TMCC1: variants seen among roughly 807,000 people sequenced by gnomAD.
TMCC1 encodes transmembrane and coiled-coil domains protein 1.
TMCC1 carries 15 observed loss-of-function variants against 52.4 expected under a neutral mutation model. That is an observed-to-expected ratio of 0.29 (90% confidence interval 0.19 to 0.44). The LOEUF (loss-of-function observed/expected upper bound fraction) is 0.44. Among genes scored for constraint, TMCC1 ranks in the 20% least tolerant of loss-of-function variants. The pLI is 1.00. For synonymous variants in TMCC1, 279 were observed against 301.9 expected, an observed-to-expected ratio of 0.92 and a Z score of 0.79; for missense variants, 503 against 806.0, an observed-to-expected ratio of 0.62 and a Z score of 4.55.
At chr3:129,810,162 G>C (rs578094214) in intron 4 of TMCC1, among the ~76,000 whole-genome samples, 1 of 152,142 alleles carries the variant, frequency 6.6e-6, no homozygotes, top group East Asian at 1.9e-4. Context: ...TTCAAGACCA[G>C]CCTGGGCAAC....
At chr3:129,825,423 A>T (rs978808184) in intron 4 of TMCC1, among the ~76,000 whole-genome samples, 2 of 152,044 alleles carry the variant, frequency 1.3e-5, no homozygotes, top group Non-Finnish European at 2.9e-5. Context: ...ATAAATAAGA[A>T]GATGATATAG....
intron 4 of TMCC1, among the ~76,000 whole-genome samples, chr3:129,798,524 CAAAAAAAAAAA>C (rs796919072): frequency 7.5e-4 from 51 of 67,890 alleles, no homozygotes; most frequent in African/African-American, 1.3e-3. Flanking sequence ...TCTTCCTATC[CAAAAAAAAAAA>C]AAAAAAAAAA....
rs375812123 is a variant in TMCC1 at position 129,800,958 on chromosome 3, C to T, written c.576+26845G>A. Among the ~76,000 whole-genome samples the T allele has an allele frequency of 4.3e-4, 53 of 122,754 alleles. 1 individual carries two copies. Among genetic ancestry groups the T allele is most frequent in the African/African-American group, 1.6e-3 (49 of 31,168 alleles). 80.5% of individuals were successfully genotyped at this position (122,754 alleles called of 152,430 possible). On this transcript the variant is annotated intron_variant, in intron 4 of 6. Transcript: ENST00000393238. ...TTTTTTTTTTTTTGAGATGGAATCT[C>T]GCTTGCCCAGGCTGGAATGCAGTGG... is the stretch of plus-strand genomic sequence containing the variant.
At chr3:129,839,474 A>G (rs1158211773) in intron 2 of TMCC1, among the ~76,000 whole-genome samples, 1 of 152,212 alleles carries the variant, frequency 6.6e-6, no homozygotes, top group Non-Finnish European at 1.5e-5. Context: ...GCAGTAGGAA[A>G]AAAACCACAC....
chr3:129,775,325 G>A (rs2054946188), intron 4 of TMCC1, among the ~76,000 whole-genome samples: 2 of 152,230 alleles, frequency 1.3e-5, no homozygotes, highest in Admixed American at 1.3e-4. Flanking sequence ...TTAGCCAGGT[G>A]TGGTGGTACA....
chr3:129,870,174 T>C (rs976724573), intron 2 of TMCC1, among the ~76,000 whole-genome samples: 18 of 152,128 alleles, frequency 1.2e-4, no homozygotes, highest in African/African-American at 4.3e-4. Context: ...TCTAGTATTC[T>C]ACTTGTCTAC....
intron 4 of TMCC1, among the ~76,000 whole-genome samples, chr3:129,779,210 C>T (rs1172423598): frequency 2.0e-5 from 3 of 152,098 alleles, no homozygotes; most frequent in Non-Finnish European, 4.4e-5. Context: ...AATGTAACTT[C>T]CAAGGAAAGT....
At chr3:129,813,002 G>A (rs1261714089) in intron 4 of TMCC1, among the ~76,000 whole-genome samples, 1 of 152,154 alleles carries the variant, frequency 6.6e-6, no homozygotes, top group Non-Finnish European at 1.5e-5. Flanking sequence ...GTGGGCAAAC[G>A]ACATGAACGA....
At chr3:129,876,246 G>C (rs2061204790) in intron 2 of TMCC1, among the ~76,000 whole-genome samples, 1 of 144,452 alleles carries the variant, frequency 6.9e-6, no homozygotes, top group Non-Finnish European at 1.5e-5. Flanking sequence ...AATGACTTAA[G>C]TAAGCACTAG....
chr3:129,746,772 G>A (rs1460007514), intron 4 of TMCC1, among the ~76,000 whole-genome samples: 1 of 152,122 alleles, frequency 6.6e-6, no homozygotes, highest in African/African-American at 2.4e-5. Context: ...ACAAGGTTGG[G>A]GTAAGAGTCT....
chr3:129,710,563 A>G (rs758351564), intron 4 of TMCC1, among the ~76,000 whole-genome samples: 1 of 152,194 alleles, frequency 6.6e-6, no homozygotes, highest in Non-Finnish European at 1.5e-5. Context: ...TGGAGCTCAG[A>G]TATTCTAAAT....
intron 2 of TMCC1, among the ~76,000 whole-genome samples, chr3:129,871,846 T>G (rs1382416095): frequency 2.6e-5 from 4 of 152,226 alleles, no homozygotes; most frequent in Non-Finnish European, 5.9e-5. Flanking sequence ...GATTTTCATA[T>G]AGATGAAAAG....
At chr3:129,857,411 T>A (rs1462205517) in intron 2 of TMCC1, 2 of 152,176 alleles carry the variant, frequency 1.3e-5, no homozygotes, top group Non-Finnish European at 2.9e-5. Flanking sequence ...ACTGCCTAAT[T>A]GTGAACAAAA....
intron 4 of TMCC1, among the ~76,000 whole-genome samples, chr3:129,684,012 A>C (rs1317089043): frequency 6.6e-6 from 1 of 152,226 alleles, no homozygotes; most frequent in Admixed American, 6.5e-5. Context: ...AGTTGGTGTA[A>C]ATGCCTGCTG....
chr3:129,892,330 G>C (rs1471448029), intron 1 of TMCC1, among the ~76,000 whole-genome samples: 1 of 152,182 alleles, frequency 6.6e-6, no homozygotes, highest in African/African-American at 2.4e-5. Context: ...AGCCAACTCT[G>C]TTGGTAGAGG....
chr3:129,851,968 A>C (rs2059933256), intron 2 of TMCC1, among the ~76,000 whole-genome samples: 1 of 150,876 alleles, frequency 6.6e-6, no homozygotes, highest in Non-Finnish European at 1.5e-5. Flanking sequence ...TGGGCAACAT[A>C]ATGAGACCTT....
At chr3:129,841,118 A>AT (rs2059405514) in intron 2 of TMCC1, among the ~76,000 whole-genome samples, 1 of 152,202 alleles carries the variant, frequency 6.6e-6, no homozygotes, top group Non-Finnish European at 1.5e-5. Context: ...TGAGAAACTT[A>AT]TTGTGAACTG....
intron 2 of TMCC1, among the ~76,000 whole-genome samples, chr3:129,841,369 C>T (rs1489112503): frequency 6.6e-6 from 1 of 152,186 alleles, no homozygotes; most frequent in Non-Finnish European, 1.5e-5. Context: ...GGTGGATCAC[C>T]TGACGTCAGA....
intron 4 of TMCC1, among the ~76,000 whole-genome samples, chr3:129,700,395 A>C (rs2047732903): frequency 6.6e-6 from 1 of 152,184 alleles, no homozygotes; most frequent in African/African-American, 2.4e-5. Flanking sequence ...TGTGTTAGAC[A>C]CTGTTGAATA....
Sources: allele counts gnomAD v4.1 joint callset (sites outside exome capture counted in the v4.1 genomes callset), GRCh38; gene constraint gnomAD v4.1.1; transcripts MANE v1.5; gene names NCBI Gene and HGNC (gene_info 2026-07-23, HGNC 2026-07-21).